The following OR1F1 variants were observed in gnomAD, a reference collection of about 807,000 sequenced individuals.
OR1F1 encodes olfactory receptor family 1 subfamily F member 1.
For synonymous variants in OR1F1, 184 were observed against 156.7 expected, an observed-to-expected ratio of 1.17 and a Z score of -1.30; for missense variants, 493 against 376.3, an observed-to-expected ratio of 1.31 and a Z score of -2.57.
At chr16:3,205,325 A>AT (rs1000516855), downstream of OR1F1, 68 of 651,176 alleles carry the variant, frequency 1.0e-4, no homozygotes, top group Non-Finnish European at 1.1e-4. Context: ...ATTAATTATA[A>AT]TTTTTTTTGA....
chr16:3,201,982 C>T (rs1042293857), upstream of OR1F1, among the ~76,000 whole-genome samples: 3 of 152,196 alleles, frequency 2.0e-5, no homozygotes, highest in East Asian at 3.8e-4. Flanking sequence ...TATGGGGGAG[C>T]CCTCCTCTGC....
exon 1 of OR1F1, chr16:3,205,163 G>T: frequency 1.2e-6 from 2 of 1,610,144 alleles, no homozygotes; most frequent in South Asian, 1.1e-5. Flanking sequence ...AAAGTAGTTG[G>T]CAGGGTGGTG....
chr16:3,204,555 C>T (rs267604532), exon 1 of OR1F1: 38 of 1,614,074 alleles, frequency 2.4e-5, no homozygotes, highest in Admixed American at 1.2e-4. Flanking sequence ...AGATGTATTT[C>T]GTTTTCATGT....
chr16:3,192,870 C>T, the OR1F1 span, among the ~76,000 whole-genome samples: 1 of 152,126 alleles, frequency 6.6e-6, no homozygotes, highest in Non-Finnish European at 1.5e-5. Flanking sequence ...GGGTGTCTGA[C>T]TCGCGCCGTC....
chr16:3,189,729 C>A, the OR1F1 span: 1 of 151,964 alleles, frequency 6.6e-6, no homozygotes, highest in Admixed American at 6.6e-5. Context: ...GGGTAAAAGT[C>A]GTTTCCTGCT....
chr16:3,189,620 T>G, the OR1F1 span: 7 of 152,196 alleles, frequency 4.6e-5, no homozygotes, highest in African/African-American at 9.6e-5. Flanking sequence ...ATAACCTTAA[T>G]GCGTAAATCG....
At chr16:3,188,346 C>A in the OR1F1 span, 1 of 152,186 alleles carries the variant, frequency 6.6e-6, no homozygotes, top group South Asian at 2.1e-4. Flanking sequence ...ACTGCGGCAA[C>A]TGCGGTTAAA....
the OR1F1 span, among the ~76,000 whole-genome samples, chr16:3,199,106 C>T: frequency 9.3e-6 from 1 of 107,212 alleles, no homozygotes; most frequent in Non-Finnish European, 1.8e-5. Flanking sequence ...AGGCAAGATC[C>T]TGTCTCTACA....
the OR1F1 span, among the ~76,000 whole-genome samples, chr16:3,197,913 A>G: frequency 2.4e-3 from 5 of 2,048 alleles, no homozygotes; most frequent in Non-Finnish European, 4.1e-3. Context: ...GAGAAGGAGA[A>G]AGAGAGGGAG....
At chr16:3,198,753 C>T in the OR1F1 span, among the ~76,000 whole-genome samples, 3 of 151,934 alleles carry the variant, frequency 2.0e-5, no homozygotes, top group East Asian at 3.9e-4. Context: ...TTTTGAGAGG[C>T]GAGGCAGGAG....
the OR1F1 span, among the ~76,000 whole-genome samples, chr16:3,196,430 C>T: frequency 6.6e-6 from 1 of 152,136 alleles, no homozygotes; most frequent in Non-Finnish European, 1.5e-5. Flanking sequence ...GTTGCCCAGG[C>T]TGGAGGGCAG....
At chr16:3,202,576 C>G (rs1378685558), upstream of OR1F1, among the ~76,000 whole-genome samples, 1 of 151,660 alleles carries the variant, frequency 6.6e-6, no homozygotes, top group African/African-American at 2.4e-5. Context: ...AAGACGAATT[C>G]TCGCTCTGTT....
chr16:3,204,705 C>T (rs1958181508), exon 1 of OR1F1: 3 of 1,614,038 alleles, frequency 1.9e-6, no homozygotes, highest in Non-Finnish European at 1.7e-6. Context: ...TGGTTGCCAA[C>T]CTGAATGTCC....
the OR1F1 span, chr16:3,188,461 A>G: frequency 3.3e-5 from 5 of 152,268 alleles, no homozygotes; most frequent in African/African-American, 1.2e-4. Flanking sequence ...ATTCCAGAGT[A>G]TGGCTGCTCC....
the OR1F1 span, among the ~76,000 whole-genome samples, chr16:3,198,401 G>A: frequency 6.6e-6 from 1 of 152,178 alleles, no homozygotes; most frequent in Non-Finnish European, 1.5e-5. Context: ...TGTTTCCCCT[G>A]TTGGTGGTGG....
At chr16:3,191,937 G>A in the OR1F1 span, among the ~76,000 whole-genome samples, 49 of 152,228 alleles carry the variant, frequency 3.2e-4, no homozygotes, top group South Asian at 2.5e-3. Flanking sequence ...GAGCTTTATC[G>A]CTCCAAGTAC....
the OR1F1 span, among the ~76,000 whole-genome samples, chr16:3,195,274 A>G: frequency 1.3e-5 from 2 of 152,236 alleles, no homozygotes; most frequent in Non-Finnish European, 2.9e-5. Context: ...TGCGTTTACT[A>G]TTAAAAAAAG....
the OR1F1 span, among the ~76,000 whole-genome samples, chr16:3,195,734 C>A: frequency 3.3e-5 from 5 of 152,012 alleles, no homozygotes; most frequent in Admixed American, 3.3e-4. Flanking sequence ...CAGAATCCAC[C>A]CTCTTTCTTT....
the OR1F1 span, among the ~76,000 whole-genome samples, chr16:3,190,954 G>GA: frequency 6.6e-6 from 1 of 152,072 alleles, no homozygotes; most frequent in Admixed American, 6.5e-5. Flanking sequence ...CTTCTAGATT[G>GA]AAAAAACAAC....
Sources: gnomAD v4.1 joint callset for allele counts (sites outside exome capture counted in the v4.1 genomes callset) on GRCh38, gnomAD v4.1.1 for gene constraint, MANE v1.5 for transcripts, NCBI Gene and HGNC (gene_info 2026-07-23, HGNC 2026-07-21) for gene names.